Variants in UBE2E2 observed in about 807,000 individuals in gnomAD.
UBE2E2 encodes the protein ubiquitin-conjugating enzyme E2 E2.
Under a neutral mutation model 24.7 loss-of-function variants are expected in UBE2E2, and 6 were observed. That is an observed-to-expected ratio of 0.24 (90% CI 0.13 to 0.48). The LOEUF is 0.48. Ranked by LOEUF, UBE2E2 falls within the 20% of genes least tolerant of loss-of-function variation. The pLI is 0.99. For missense variants in UBE2E2, 169 were observed against 245.0 expected (o/e 0.69, Z 2.07); for synonymous variants, 104 against 83.6 (o/e 1.24, Z -1.33).
chr3:23,269,115 G>A (rs906203241), intron 3 of UBE2E2, among the ~76,000 whole-genome samples: 13 of 151,934 alleles, frequency 8.6e-5, no homozygotes, highest in South Asian at 6.2e-4. Context: ...AGAAAACCTA[G>A]GCATTACTGT....
chr3:23,532,524 A>G (rs1168455571), intron 4 of UBE2E2, 30 bp from the exon 5 acceptor site: 7 of 1,486,286 alleles, frequency 4.7e-6, no homozygotes, highest in Non-Finnish European at 5.5e-6. Flanking sequence ...CACTTTGTCT[A>G]ACAAAATATA....
chr3:23,341,701 C>T (rs2125310387), intron 3 of UBE2E2, among the ~76,000 whole-genome samples: 1 of 152,140 alleles, frequency 6.6e-6, no homozygotes, highest in Non-Finnish European at 1.5e-5. Context: ...TCACTTCCTT[C>T]TTCTCGTTCT....
At position 23,272,202 on chromosome 3, in the gene UBE2E2, A is replaced by C. The variant is rs927181523; in HGVS notation, c.227+54890A>C. ...GTGGCTGAGGCCTGGCGAGAGTTCG[A>C]GTGTGGCACGGGCAGTCTGGCACTG... On this transcript the variant is annotated intron_variant, in intron 3 of 5. Transcript: ENST00000396703. Among the ~76,000 whole-genome samples, 3 of 152,038 alleles carry C rather than the reference A, an allele frequency of 2.0e-5. No individual in the cohort carries two copies. The South Asian group carries it at 6.2e-4, about 31-fold the overall frequency.
intron 3 of UBE2E2, among the ~76,000 whole-genome samples, chr3:23,269,173 C>T (rs1559326922): frequency 6.6e-6 from 1 of 152,110 alleles, no homozygotes; most frequent in Non-Finnish European, 1.5e-5. Flanking sequence ...ACACCAAAAG[C>T]ATGGCAACAA....
At chr3:23,345,666 A>G (rs1469969022) in intron 3 of UBE2E2, among the ~76,000 whole-genome samples, 2 of 152,202 alleles carry the variant, frequency 1.3e-5, no homozygotes, top group East Asian at 3.9e-4. Flanking sequence ...AGTTATAGAC[A>G]TTAAATTACA....
At chr3:23,439,205 C>T (rs533254402) in intron 3 of UBE2E2, among the ~76,000 whole-genome samples, 3 of 152,272 alleles carry the variant, frequency 2.0e-5, no homozygotes, top group African/African-American at 7.2e-5. Context: ...GTTATGTGTA[C>T]AGGGGAAGGC....
At chr3:23,425,528 G>A (rs1697905224) in intron 3 of UBE2E2, among the ~76,000 whole-genome samples, 1 of 152,144 alleles carries the variant, frequency 6.6e-6, no homozygotes, top group Admixed American at 6.5e-5. Context: ...GTTCTTCTTA[G>A]ATCTGTTATA....
chr3:23,366,540 C>G (rs1284084994), intron 3 of UBE2E2, among the ~76,000 whole-genome samples: 2 of 152,168 alleles, frequency 1.3e-5, no homozygotes, highest in Non-Finnish European at 2.9e-5. Context: ...GCCCCATGTT[C>G]TCTCTTACAG....
At chr3:23,485,236 C>G (rs950273308) in intron 3 of UBE2E2, among the ~76,000 whole-genome samples, 7 of 151,686 alleles carry the variant, frequency 4.6e-5, no homozygotes, top group Non-Finnish European at 1.0e-4. Context: ...GCTGGGAGTA[C>G]AGGTGCCTAT....
intron 3 of UBE2E2, among the ~76,000 whole-genome samples, chr3:23,350,520 C>G (rs1338918971): frequency 6.6e-6 from 1 of 152,048 alleles, no homozygotes; most frequent in Non-Finnish European, 1.5e-5. Flanking sequence ...ACTAGAATAA[C>G]CAATACAGAG....
At chr3:23,552,935 G>A (rs562958511) in intron 5 of UBE2E2, among the ~76,000 whole-genome samples, 7 of 152,130 alleles carry the variant, frequency 4.6e-5, no homozygotes, top group African/African-American at 7.2e-5. Flanking sequence ...CAAAATGTAC[G>A]AATAGTATTT....
chr3:23,460,948 T>G (rs1698794134), intron 3 of UBE2E2, among the ~76,000 whole-genome samples: 1 of 152,220 alleles, frequency 6.6e-6, no homozygotes, highest in Non-Finnish European at 1.5e-5. Flanking sequence ...TCAAGATATT[T>G]TTGATTTCTG....
At chr3:23,457,623 C>G (rs1389883445) in intron 3 of UBE2E2, among the ~76,000 whole-genome samples, 2 of 152,142 alleles carry the variant, frequency 1.3e-5, no homozygotes, top group Admixed American at 6.5e-5. Flanking sequence ...CTCCCAGGCT[C>G]AAGCTCCTCA....
intron 3 of UBE2E2, among the ~76,000 whole-genome samples, chr3:23,459,289 T>A (rs538238515): frequency 2.0e-4 from 31 of 152,324 alleles, no homozygotes; most frequent in Non-Finnish European, 2.4e-4. Flanking sequence ...TTCAACAAAA[T>A]GAACTTTTTA....
intron 3 of UBE2E2, among the ~76,000 whole-genome samples, chr3:23,458,415 G>T (rs1698729045): frequency 6.6e-6 from 1 of 150,954 alleles, no homozygotes; most frequent in Admixed American, 6.6e-5. Flanking sequence ...GGTGGTGGTG[G>T]TGGTGGTGGT....
chr3:23,203,534 T>C, intron 1 of UBE2E2, 70 bp downstream of exon 1: 1 of 861,192 alleles, frequency 1.2e-6, no homozygotes, highest in Non-Finnish European at 1.4e-6. Context: ...TCCTCCTCAC[T>C]CCCCCGACCT....
chr3:23,548,207 A>C (rs927647357), intron 5 of UBE2E2, among the ~76,000 whole-genome samples: 50 of 152,198 alleles, frequency 3.3e-4, no homozygotes, highest in African/African-American at 1.1e-3. Flanking sequence ...AGGTTACAGA[A>C]ATTATAACCT....
At position 23,578,435 on chromosome 3, in the gene UBE2E2, C is replaced by G. The variant is rs116530345; in HGVS notation, c.509-11299C>G. On this transcript the variant is annotated intron_variant, in intron 5 of 5. Transcript: ENST00000396703. The stretch of plus-strand genomic sequence containing the variant: ...TACCAGTCCCATTACTGGGTGTATA[C>G]CCAAAGGAAAATAAATTATTTTGTT... 6.5e-3 allele frequency among the ~76,000 whole-genome samples: 986 copies of G among 152,228 alleles called. 9 individuals are homozygous for G. Among genetic ancestry groups the G allele is most frequent in the African/African-American group, 0.022 (925 of 41,532 alleles).
intron 3 of UBE2E2, among the ~76,000 whole-genome samples, chr3:23,480,157 C>G (rs552299081): frequency 1.3e-5 from 2 of 152,330 alleles, no homozygotes; most frequent in South Asian, 4.1e-4. Flanking sequence ...CCGCAGTGCC[C>G]CCGGCCTCCC....
Sources: gnomAD v4.1 joint callset for allele counts (sites outside exome capture counted in the v4.1 genomes callset) on GRCh38, gnomAD v4.1.1 for gene constraint, MANE v1.5 for transcripts, NCBI Gene and HGNC (gene_info 2026-07-23, HGNC 2026-07-21) for gene names.